Variants in EFCAB7 observed in about 807,000 individuals in gnomAD.
EFCAB7 encodes EF-hand calcium-binding domain-containing protein 7.
Under a neutral mutation model 77.1 loss-of-function variants are expected in EFCAB7, and 66 were observed. That is an observed-to-expected ratio of 0.86 (90% CI 0.70 to 1.05). The LOEUF (loss-of-function observed/expected upper bound fraction) is 1.05, where lower values mean the gene tolerates loss of function less well. Ranked by LOEUF, EFCAB7 falls within the 50% of genes least tolerant of loss-of-function variation. The probability of loss-of-function intolerance (pLI) is 0.00; values close to 1 mark genes in which losing one functional copy is unlikely to be tolerated. For missense variants in EFCAB7, 638 were observed against 730.5 expected, an observed-to-expected ratio of 0.87 and a Z score of 1.46; for synonymous variants, 225 against 243.3, an observed-to-expected ratio of 0.92 and a Z score of 0.70.
At position 63,534,153 on chromosome 1, in the gene EFCAB7, C is replaced by A. The variant is rs147915416; in HGVS notation, c.741C>A (p.Phe247Leu). Reference protein sequence around the residue: ...ATRKFKTSVSFTVTMGANGNR... With the variant: ...ATRKFKTSVSLTVTMGANGNR... ...GGAAGTTCAAAACATCTGTTTCCTT[C>A]ACAGTTACCATGGGGGCTAATGGTA... Residue 247 changes from phenylalanine (F) to leucine (L), a missense_variant, in exon 6 of 14, where the codon TTC becomes TTA. Coordinates refer to ENST00000371088, the MANE Select transcript of EFCAB7 (RefSeq NM_032437.4). The A allele has an allele frequency of 2.6e-4, 420 of 1,613,370 alleles. 3 individuals are homozygous for A. The South Asian group carries it at 4.3e-3, about 17-fold the overall frequency.
chr1:63,573,390 A>G (rs769711534), downstream of EFCAB7, among the ~76,000 whole-genome samples: 46 of 152,188 alleles, frequency 3.0e-4, no homozygotes, highest in Admixed American at 7.9e-4. Context: ...ACTAAACGGA[A>G]TAAGAGAAGG....
At chr1:63,559,165 G>A (rs1647064101) in intron 10 of EFCAB7, among the ~76,000 whole-genome samples, 1 of 151,844 alleles carries the variant, frequency 6.6e-6, no homozygotes, top group Admixed American at 6.6e-5. Flanking sequence ...ATCCAAGTGT[G>A]GTGGCAGGTA....
At chr1:63,575,930 G>T (rs921335518), downstream of EFCAB7, among the ~76,000 whole-genome samples, 1 of 152,070 alleles carries the variant, frequency 6.6e-6, no homozygotes, top group Middle Eastern at 3.2e-3. Flanking sequence ...TTATAATGGG[G>T]ATACTAAGTC....
chr1:63,534,586 T>C lies in EFCAB7; in HGVS notation c.804+370T>C, dbSNP rs367733721. On this transcript the variant is annotated intron_variant, in intron 6 of 13. Transcript: ENST00000371088. The stretch of plus-strand genomic sequence containing the variant: ...GAGAATGACAACAAAGTCACTTTGC[T>C]AAGTCAATATTTGTAGAGTGTTAAT... Among the ~76,000 whole-genome samples the C allele has an allele frequency of 7.1e-3, 1,086 of 152,250 alleles. 9 individuals carry two copies. The highest frequency in any genetic ancestry group is 0.031 in the South Asian group (152 of 4,830).
At chr1:63,547,722 G>A (rs940289250) in intron 7 of EFCAB7, 1 of 152,222 alleles carries the variant, frequency 6.6e-6, no homozygotes, top group Admixed American at 6.5e-5. Flanking sequence ...GTTAGCTACA[G>A]GTTAGCTGGT....
chr1:63,580,592 G>C, the EFCAB7 span, among the ~76,000 whole-genome samples: 1 of 152,034 alleles, frequency 6.6e-6, no homozygotes, highest in African/African-American at 2.4e-5. Flanking sequence ...TTTAGAACTG[G>C]CTTGTTTATA....
chr1:63,584,524 C>G, the EFCAB7 span, among the ~76,000 whole-genome samples: 1 of 152,132 alleles, frequency 6.6e-6, no homozygotes, highest in South Asian at 2.1e-4. Context: ...CACAATCCAG[C>G]CTGGGCAATG....
rs1393400441 is a variant in EFCAB7, at chr1:63,555,381, AGGAC to A, written c.1081_1084del (p.Gly361LeufsTer6). On this transcript the variant is annotated frameshift_variant, in exon 9 of 14. Transcript: ENST00000371088. LOFTEE classifies it high-confidence loss of function. ...AGGTGTTTGGATGGACTGGTGAACT[AGGAC>A]CTGGAATTTACTGGTTAATTCCTTC... 8.1e-6 allele frequency: 13 copies of A among 1,612,776 alleles called. No individual in the cohort carries two copies. The highest frequency in any genetic ancestry group is 1.1e-5 in the Non-Finnish European group (13 of 1,179,374).
At chr1:63,567,819 A>G (rs964904033) in intron 11 of EFCAB7, among the ~76,000 whole-genome samples, 7 of 152,158 alleles carry the variant, frequency 4.6e-5, no homozygotes, top group African/African-American at 1.7e-4. Flanking sequence ...GATATTAGAA[A>G]AATTTCATTC....
At chr1:63,553,258 T>G (rs1646987446) in intron 8 of EFCAB7, among the ~76,000 whole-genome samples, 1 of 152,164 alleles carries the variant, frequency 6.6e-6, no homozygotes, top group African/African-American at 2.4e-5. Context: ...CAAGATCTGG[T>G]TTTTCACTCC....
chr1:63,561,525 TG>T (rs1310440686), intron 10 of EFCAB7, among the ~76,000 whole-genome samples, 183 bp from the exon 11 acceptor site: 1 of 152,188 alleles, frequency 6.6e-6, no homozygotes, highest in Non-Finnish European at 1.5e-5. Context: ...TGCTGAGTTA[TG>T]GGAAACTAGA....
chr1:63,565,776 G>C (rs1001002570), intron 11 of EFCAB7, among the ~76,000 whole-genome samples: 6 of 152,152 alleles, frequency 3.9e-5, no homozygotes, highest in Non-Finnish European at 8.8e-5. Flanking sequence ...CGACATCACT[G>C]ATCATTAGAG....
chr1:63,551,660 A>G, intron 7 of EFCAB7, 65 bp from the exon 8 acceptor site: 4 of 658,824 alleles, frequency 6.1e-6, no homozygotes, highest in East Asian at 3.4e-5. Context: ...CTTATTTTTT[A>G]TATAGGAAAG....
chr1:63,582,309 A>C, the EFCAB7 span, among the ~76,000 whole-genome samples: 1 of 152,366 alleles, frequency 6.6e-6, no homozygotes, highest in East Asian at 1.9e-4. Context: ...CATTACAAGA[A>C]AAAGTTGAAT....
chr1:63,555,224 A>C, intron 8 of EFCAB7, 134 bp from the exon 9 acceptor site: 3 of 1,025,070 alleles, frequency 2.9e-6, no homozygotes, highest in Non-Finnish European at 4.2e-6. Flanking sequence ...TGATAGGACT[A>C]TAATAGAATT....
chr1:63,533,773 T>C (rs1646730002), intron 5 of EFCAB7, 124 bp downstream of exon 5: 2 of 741,768 alleles, frequency 2.7e-6, no homozygotes, highest in East Asian at 5.8e-5. Flanking sequence ...TGTTAGCTAC[T>C]ATTTCTAGAC....
At chr1:63,532,436 T>G (rs1168840312) in intron 3 of EFCAB7, among the ~76,000 whole-genome samples, 1 of 152,094 alleles carries the variant, frequency 6.6e-6, no homozygotes, top group Non-Finnish European at 1.5e-5. Context: ...TACTATTCAA[T>G]TGTTAGTTAC....
chr1:63,574,824 C>T (rs771237280), downstream of EFCAB7, among the ~76,000 whole-genome samples: 3 of 152,124 alleles, frequency 2.0e-5, no homozygotes, highest in Non-Finnish European at 2.9e-5. Context: ...TAAATATTGA[C>T]GCGTAGTCCT....
chr1:63,534,151 T>C lies in EFCAB7; in HGVS notation c.739T>C (p.Phe247Leu), dbSNP rs759480026. The C allele has an allele frequency of 6.2e-7, 1 of 1,613,478 alleles. No individual in the cohort carries two copies. The highest frequency in any genetic ancestry group is 8.5e-7 in the Non-Finnish European group (1 of 1,179,568). Residue 247 changes from phenylalanine (F) to leucine (L), a missense_variant, in exon 6 of 14, where the codon TTC becomes CTC. Transcript: ENST00000371088. Reference protein sequence around the residue: ...ATRKFKTSVSFTVTMGANGNR... With the variant: ...ATRKFKTSVSLTVTMGANGNR... ...CAGGAAGTTCAAAACATCTGTTTCC[T>C]TCACAGTTACCATGGGGGCTAATGG...
Sources: allele counts gnomAD v4.1 joint callset (sites outside exome capture counted in the v4.1 genomes callset), GRCh38; gene constraint gnomAD v4.1.1; transcripts MANE v1.5; gene names NCBI Gene and HGNC (gene_info 2026-07-23, HGNC 2026-07-21).